CHST12: variants seen among roughly 807,000 people sequenced by gnomAD.
CHST12 encodes the protein carbohydrate (chondroitin 4) sulfotransferase 12.
CHST12 carries 23 observed loss-of-function variants against 27.9 expected under a neutral mutation model. The observed-to-expected ratio is 0.82, with a 90% CI of 0.59 to 1.17. The LOEUF (loss-of-function observed/expected upper bound fraction) is 1.17, where lower values mean the gene tolerates loss of function less well. Ranked by LOEUF, CHST12 falls within the 50% of genes most tolerant of loss-of-function variation. The pLI is 0.00. For missense variants in CHST12, 682 were observed against 603.0 expected, an observed-to-expected ratio of 1.13 and a Z score of -1.37; for synonymous variants, 322 against 273.0, an observed-to-expected ratio of 1.18 and a Z score of -1.77.
chr7:2,424,127 G>C (rs1782046432), intron 1 of CHST12, among the ~76,000 whole-genome samples: 1 of 152,218 alleles, frequency 6.6e-6, no homozygotes, highest in African/African-American at 2.4e-5. Flanking sequence ...GCCATGGTGG[G>C]AGGATCACCT....
rs192232969 is a variant in CHST12 at position 2,428,231 on chromosome 7, A to G, written c.-77-4332A>G. 7.4e-3 allele frequency among the ~76,000 whole-genome samples: 952 copies of G among 129,078 alleles called. 8 individuals are homozygous for G. The highest frequency in any genetic ancestry group is 0.026 in the African/African-American group (885 of 33,840). 84.7% of individuals were successfully genotyped at this position (129,078 alleles called of 152,430 possible). ...TTTTTTTGAGACAGAGTCTTGCTCT[A>G]TCACCCAGGCTGGAGTGCAGTGGCA... On this transcript the variant is annotated intron_variant, in intron 1 of 1. Transcript: ENST00000618655.
rs148000852 is a variant in CHST12, at chr7:2,407,867, G to A, written c.-78+4194G>A. Among the ~76,000 whole-genome samples the A allele has an allele frequency of 5.9e-3, 903 of 152,084 alleles. 12 individuals carry two copies. Among genetic ancestry groups the A allele is most frequent in the African/African-American group, 0.021 (860 of 41,486 alleles). The stretch of plus-strand genomic sequence containing the variant: ...TGCTTGAACCCAGGAGGCGGGGGTT[G>A]CTGTGAGCCCAGATCGTGCCACTGC... On this transcript the variant is annotated intron_variant, in intron 1 of 1. Coordinates refer to ENST00000618655, the MANE Select transcript of CHST12 (RefSeq NM_018641.5).
rs561625981 is a variant in CHST12, at chr7:2,417,512, C to T, written c.-78+13839C>T. Among the ~76,000 whole-genome samples the T allele has an allele frequency of 2.4e-3, 363 of 151,866 alleles. 2 individuals are homozygous for T. The highest frequency in any genetic ancestry group is 1.9e-3 in the Non-Finnish European group (131 of 67,972). On this transcript the variant is annotated intron_variant, in intron 1 of 1. Coordinates refer to ENST00000618655, the MANE Select transcript of CHST12 (RefSeq NM_018641.5). ...TCAAACTATTCTCCTGCCTCAACCT[C>T]CCATGTAGCTGGAATTACAGGCATG...
At chr7:2,420,251 G>T (rs532582996) in intron 1 of CHST12, among the ~76,000 whole-genome samples, 5 of 152,048 alleles carry the variant, frequency 3.3e-5, no homozygotes, top group African/African-American at 9.7e-5. Context: ...GGGATTACAG[G>T]TGTGAGCCGC....
chr7:2,432,611 C>G lies in CHST12; in HGVS notation c.-29C>G, dbSNP rs773077575. The G allele has an allele frequency of 3.2e-6, 5 of 1,585,758 alleles. No homozygotes were observed. The highest frequency in any genetic ancestry group is 2.3e-5 in the South Asian group (2 of 87,698). On this transcript the variant is annotated 5_prime_UTR_variant, in exon 2 of 2. Transcript: ENST00000618655. ...CTGCAGGAAGCTGAAGTGAGAGGCC[C>G]GGAGAGGGCCCAGCCCGCCCGGGGC...
chr7:2,411,920 A>AT (rs1781677268), intron 1 of CHST12, among the ~76,000 whole-genome samples: 1 of 152,216 alleles, frequency 6.6e-6, no homozygotes. Context: ...GTCTTCTAAG[A>AT]ACTTGAAACC....
rs1237360523 is a variant in CHST12, at chr7:2,442,166, T to A, written c.*8282T>A. 2 of 152,192 alleles carry A rather than the reference T, an allele frequency of 1.3e-5. No individual in the cohort carries two copies. Among genetic ancestry groups the A allele is most frequent in the South Asian group, 4.1e-4 (2 of 4,828 alleles). The allele number at this position is 152,192 out of a possible 1,614,324, so 9.4% of individuals were successfully genotyped here. On this transcript the variant is annotated 3_prime_UTR_variant, in exon 2 of 2. Coordinates refer to ENST00000618655, the MANE Select transcript of CHST12 (RefSeq NM_018641.5). ...ATTTGTCCTTTTGTGTCTGGCTTCT[T>A]CATGTAGTATAATGTCTTCAAGGTT...
In CHST12 at chr7:2,423,642, G is replaced by A. The variant is rs1024050247; in HGVS notation, c.-77-8921G>A. On this transcript the variant is annotated intron_variant, in intron 1 of 1. Transcript: ENST00000618655. Reference sequence around the variant, plus strand: ...TCCATCAGGCATGCTGAGCTCTGTGGGTCCAGGAAGCACTGAGTGAAGGTG... The same window carrying A: ...TCCATCAGGCATGCTGAGCTCTGTGAGTCCAGGAAGCACTGAGTGAAGGTG... Among the ~76,000 whole-genome samples, 54 of 152,156 alleles carry A rather than the reference G, an allele frequency of 3.5e-4. 1 individual carries two copies. Among genetic ancestry groups the A allele is most frequent in the Non-Finnish European group, 1.6e-4 (11 of 68,036 alleles).
chr7:2,442,882 CATGCAACAATCTA>C lies in CHST12; in HGVS notation c.*9003_*9015del, dbSNP rs1465142303. On this transcript the variant is annotated 3_prime_UTR_variant, in exon 2 of 2. Coordinates refer to ENST00000618655, the MANE Select transcript of CHST12 (RefSeq NM_018641.5). ...GTGAACCCTGCATACCAGGGTTCTC[CATGCAACAATCTA>C]ATGCCTGATGATCTGAAGTGGAACA... 2 of 152,136 alleles carry C rather than the reference CATGCAACAATCTA, an allele frequency of 1.3e-5. No individual in the cohort carries two copies. Among genetic ancestry groups the C allele is most frequent in the East Asian group, 3.9e-4 (2 of 5,176 alleles). The allele number at this position is 152,136 out of a possible 1,614,324, so 9.4% of individuals were successfully genotyped here.
chr7:2,418,102 G>A (rs1781858144), intron 1 of CHST12, among the ~76,000 whole-genome samples: 1 of 152,222 alleles, frequency 6.6e-6, no homozygotes, highest in African/African-American at 2.4e-5. Context: ...CTAGTGTTTT[G>A]CCCACAGTCA....
chr7:2,428,579 G>A (rs759515003), intron 1 of CHST12, among the ~76,000 whole-genome samples: 2 of 152,170 alleles, frequency 1.3e-5, no homozygotes, highest in Non-Finnish European at 1.5e-5. Flanking sequence ...GTTTAGTGAG[G>A]GCGGGGGTAG....
intron 1 of CHST12, among the ~76,000 whole-genome samples, chr7:2,427,023 T>A (rs141193429): frequency 7.8e-6 from 1 of 128,510 alleles, no homozygotes; most frequent in Non-Finnish European, 1.6e-5. Context: ...GAGAGACATA[T>A]AAATGAAAAA....
intron 1 of CHST12, among the ~76,000 whole-genome samples, chr7:2,425,950 G>A (rs1009952082): frequency 3.9e-5 from 6 of 152,098 alleles, no homozygotes; most frequent in African/African-American, 1.4e-4. Flanking sequence ...GGGGTTAGAC[G>A]CTCTGGGGGA....
intron 1 of CHST12, among the ~76,000 whole-genome samples, chr7:2,426,348 C>T (rs1035808948): frequency 6.6e-6 from 1 of 152,154 alleles, no homozygotes; most frequent in African/African-American, 2.4e-5. Context: ...TGTGCATGCA[C>T]GTGGTGAGCA....
At position 2,433,674 on chromosome 7, in the gene CHST12, G is replaced by A; in HGVS notation, c.1035G>A (p.Leu345=). The part of the protein sequence containing the change: ...DYDFVGKLET[L]DEDAAQLLQL... ...ACTTCGTGGGGAAGCTGGAGACTCT[G>A]GACGAGGACGCCGCGCAGCTGCTGC... is the stretch of plus-strand genomic sequence containing the variant. The change falls in exon 2 of 2, where the codon CTG becomes CTA. Residue 345 remains leucine (L), a synonymous_variant. Transcript: ENST00000618655. The surrounding 1 kb of genome is among the most constrained non-coding windows in gnomAD (Gnocchi z 6.1). The A allele has an allele frequency of 2.5e-6, 4 of 1,613,444 alleles. No individual in the cohort carries two copies. Among genetic ancestry groups the A allele is most frequent in the Non-Finnish European group, 3.4e-6 (4 of 1,179,716 alleles).
At chr7:2,403,520 G>A (rs1336429869), upstream of CHST12, 2 of 151,668 alleles carry the variant, frequency 1.3e-5, no homozygotes, top group Admixed American at 6.6e-5. Context: ...GGCCCCTCCG[G>A]CGGCCGCGAC....
chr7:2,424,847 C>G (rs1782067477), intron 1 of CHST12, among the ~76,000 whole-genome samples: 1 of 152,140 alleles, frequency 6.6e-6, no homozygotes, highest in South Asian at 2.1e-4. Context: ...AAAAGAGACA[C>G]TGAGAGCCTG....
chr7:2,408,180 G>T (rs1292152292), intron 1 of CHST12, among the ~76,000 whole-genome samples: 1 of 151,824 alleles, frequency 6.6e-6, no homozygotes, highest in Non-Finnish European at 1.5e-5. Context: ...GACCAGCCTG[G>T]CCAACATAGT....
intron 1 of CHST12, among the ~76,000 whole-genome samples, chr7:2,412,226 T>C (rs1251276879): frequency 6.6e-6 from 1 of 152,216 alleles, no homozygotes; most frequent in Non-Finnish European, 1.5e-5. Flanking sequence ...ATGAAGTAAT[T>C]GTATAAGCAA....
Sources: gnomAD v4.1 joint callset for allele counts (sites outside exome capture counted in the v4.1 genomes callset) on GRCh38, gnomAD v4.1.1 for gene constraint, Gnocchi (gnomAD v3.1) non-coding constraint, MANE v1.5 for transcripts, NCBI Gene and HGNC (gene_info 2026-07-23, HGNC 2026-07-21) for gene names.